TDRD3: variants seen among roughly 807,000 people sequenced by gnomAD.
TDRD3 encodes the protein tudor domain containing 3, also known as tudor domain-containing protein 3.
Under a neutral mutation model 86.7 loss-of-function variants are expected in TDRD3, and 45 were observed. That is an observed-to-expected ratio of 0.52 (90% confidence interval 0.41 to 0.67). The LOEUF (loss-of-function observed/expected upper bound fraction) is 0.67, where lower values mean the gene tolerates loss of function less well. TDRD3 is among the 30% of genes least tolerant of loss of function. The pLI is 0.00. For synonymous variants in TDRD3, 298 were observed against 301.7 expected (o/e 0.99, Z 0.13); for missense variants, 814 against 889.0 (o/e 0.92, Z 1.07).
At chr13:60,429,794 T>C (rs997831135) in intron 1 of TDRD3, among the ~76,000 whole-genome samples, 7 of 151,236 alleles carry the variant, frequency 4.6e-5, no homozygotes, top group African/African-American at 1.7e-4. Context: ...AGAAATTCCC[T>C]TTATCATTAA....
At chr13:60,544,502 A>C (rs1957892848) in intron 12 of TDRD3, among the ~76,000 whole-genome samples, 1 of 151,854 alleles carries the variant, frequency 6.6e-6, no homozygotes, top group African/African-American at 2.4e-5. Flanking sequence ...AAAACTAGTA[A>C]ATTCCATTGG....
chr13:60,485,784 T>TA lies in TDRD3; in HGVS notation c.568-14dup. ...TGGAACTACTAAGTTGACTTATTCT[T>TA]ACTTGTTTTACTAGAAGTGTGTATC... On this transcript the variant is annotated splice_polypyrimidine_tract_variant and intron_variant, in intron 6 of 13. Transcript: ENST00000377881. The TA allele has an allele frequency of 6.4e-7, 1 of 1,555,374 alleles. No individual in the cohort carries two copies. The highest frequency in any genetic ancestry group is 8.7e-7 in the Non-Finnish European group (1 of 1,153,032).
At chr13:60,402,764 C>A (rs2137797960) in intron 1 of TDRD3, among the ~76,000 whole-genome samples, 1 of 128,854 alleles carries the variant, frequency 7.8e-6, no homozygotes, top group South Asian at 2.5e-4. Flanking sequence ...ATGGCGCGAT[C>A]TTGGTTCGTC....
chr13:60,512,119 G>A (rs973791301), intron 10 of TDRD3, among the ~76,000 whole-genome samples: 5 of 152,084 alleles, frequency 3.3e-5, no homozygotes, highest in Non-Finnish European at 4.4e-5. Flanking sequence ...CCACGTGGCT[G>A]GGGAAGCCTC....
chr13:60,558,968 T>A (rs2137945274), intron 12 of TDRD3, among the ~76,000 whole-genome samples: 1 of 151,526 alleles, frequency 6.6e-6, no homozygotes, highest in East Asian at 1.9e-4. Flanking sequence ...TTTTTGCTTT[T>A]TTTTTTTTTT....
At position 60,512,668 on chromosome 13, in the gene TDRD3, A is replaced by T. The variant is rs187849505; in HGVS notation, c.1141+1913A>T. Among the ~76,000 whole-genome samples the T allele has an allele frequency of 5.2e-3, 794 of 152,334 alleles. 5 individuals are homozygous for T. Among genetic ancestry groups the T allele is most frequent in the Non-Finnish European group, 7.0e-3 (478 of 68,022 alleles). On this transcript the variant is annotated intron_variant, in intron 10 of 13. Transcript: ENST00000377881. ...GCCCCATGCAAGTCCGAAATCCAGC[A>T]TGTTAGTCAAATCTTAAAAGCTCCA...
rs75112473 is a variant in TDRD3, at chr13:60,492,436, G to A, written c.718-1999G>A. Among the ~76,000 whole-genome samples, 785 of 152,186 alleles carry A rather than the reference G, an allele frequency of 5.2e-3. 3 individuals are homozygous for A. Among genetic ancestry groups the A allele is most frequent in the Non-Finnish European group, 7.2e-3 (487 of 68,012 alleles). On this transcript the variant is annotated intron_variant, in intron 7 of 13. Coordinates refer to ENST00000377881, the MANE Select transcript of TDRD3 (RefSeq NM_001146070.2). ...TTTAATTCTCCAAATATCCCAATGA[G>A]GTAGGTTTTCTAATCCCAGTTTTAA...
chr13:60,557,912 T>C (rs1660285752), intron 12 of TDRD3, among the ~76,000 whole-genome samples: 2 of 135,480 alleles, frequency 1.5e-5, no homozygotes, highest in African/African-American at 5.5e-5. Context: ...AACCTCCACC[T>C]CCCGGGTTCA....
chr13:60,425,787 C>CATGAAGACAATGAGG (rs1954787080), intron 1 of TDRD3, among the ~76,000 whole-genome samples: 1 of 152,028 alleles, frequency 6.6e-6, no homozygotes, highest in Non-Finnish European at 1.5e-5. Context: ...GCCTACTCAA[C>CATGAAGACAATGAGG]ATGAAGACAA....
Position 60,510,751 on chromosome 13 carries a change from G to T in TDRD3, c.1137G>T (p.Val379=). ...FLESKMGTLN[V]EEPKSQPQQL... ...AATCTAAAATGGGAACTTTGAATGT[G>T]GAAGGTAAGCTAATTTAAAGTTGAT... The change falls in exon 10 of 14, where the codon GTG becomes GTT. Residue 379 remains valine (V), a synonymous_variant. Transcript: ENST00000377881. 1 of 1,549,614 alleles carries T rather than the reference G, an allele frequency of 6.5e-7. No individual in the cohort carries two copies.
chr13:60,477,098 T>C (rs1956201351), intron 5 of TDRD3, among the ~76,000 whole-genome samples: 1 of 152,000 alleles, frequency 6.6e-6, no homozygotes, highest in South Asian at 2.1e-4. Flanking sequence ...TGAATAGAAG[T>C]AGTGAAAGTG....
intron 3 of TDRD3, among the ~76,000 whole-genome samples, chr13:60,445,188 T>C (rs1362161502): frequency 2.6e-5 from 4 of 152,228 alleles, no homozygotes; most frequent in Admixed American, 2.6e-4. Flanking sequence ...ATTTGTCTAT[T>C]GCAATCATTT....
intron 7 of TDRD3, among the ~76,000 whole-genome samples, chr13:60,490,288 G>A (rs1358748683): frequency 6.6e-6 from 1 of 152,106 alleles, no homozygotes; most frequent in Non-Finnish European, 1.5e-5. Flanking sequence ...AAGATAGTGA[G>A]AGCTGAGCCA....
intron 4 of TDRD3, among the ~76,000 whole-genome samples, chr13:60,466,016 TAAG>T (rs1377198273): frequency 6.6e-6 from 1 of 152,180 alleles, no homozygotes; most frequent in East Asian, 1.9e-4. Flanking sequence ...TGGTTTTCTA[TAAG>T]AAGAGTCATG....
At chr13:60,556,679 A>G (rs1958194302) in intron 12 of TDRD3, among the ~76,000 whole-genome samples, 1 of 152,142 alleles carries the variant, frequency 6.6e-6, no homozygotes, top group Admixed American at 6.5e-5. Flanking sequence ...ATGAGAACTA[A>G]TAGCATTGTA....
At chr13:60,407,094 G>A (rs1954253661) in intron 1 of TDRD3, among the ~76,000 whole-genome samples, 1 of 152,122 alleles carries the variant, frequency 6.6e-6, no homozygotes, top group Non-Finnish European at 1.5e-5. Context: ...TAATGAATTT[G>A]GAATTGACTC....
intron 3 of TDRD3, among the ~76,000 whole-genome samples, chr13:60,451,975 A>C (rs1180072387): frequency 6.6e-6 from 1 of 152,176 alleles, no homozygotes; most frequent in African/African-American, 2.4e-5. Context: ...ATTACCAGTG[A>C]AATGCTGGTA....
chr13:60,474,236 C>T (rs1594982200), intron 5 of TDRD3, among the ~76,000 whole-genome samples: 1 of 152,204 alleles, frequency 6.6e-6, no homozygotes, highest in Non-Finnish European at 1.5e-5. Context: ...CTGGTGGACA[C>T]GTGACTCGCA....
chr13:60,495,553 T>A (rs1226405208), intron 8 of TDRD3, among the ~76,000 whole-genome samples: 1 of 152,044 alleles, frequency 6.6e-6, no homozygotes, highest in African/African-American at 2.4e-5. Context: ...AGCCTCTGCC[T>A]CCTGGGTTCA....
Sources: allele counts gnomAD v4.1 joint callset (sites outside exome capture counted in the v4.1 genomes callset), GRCh38; gene constraint gnomAD v4.1.1; transcripts MANE v1.5; gene names NCBI Gene and HGNC (gene_info 2026-07-23, HGNC 2026-07-21).